Variants in MAGI1 observed in about 807,000 individuals in gnomAD.
The protein encoded by MAGI1 is membrane associated guanylate kinase, WW and PDZ domain containing 1, also known as membrane-associated guanylate kinase, WW and PDZ domain-containing protein 1.
A neutral mutation model predicts 139.9 loss-of-function variants in MAGI1; 58 were observed. The observed-to-expected ratio is 0.41, with a 90% CI of 0.34 to 0.52. The LOEUF is 0.52. Among genes scored for constraint, MAGI1 ranks in the 20% least tolerant of loss-of-function variants. The pLI is 0.12. For synonymous variants in MAGI1, 812 were observed against 737.9 expected (o/e 1.10, Z -1.63); for missense variants, 1,874 against 1,901.6 (o/e 0.99, Z 0.27).
chr3:65,429,698 C>G lies in MAGI1; in HGVS notation c.1989G>C (p.Gly663=), dbSNP rs1399622632. The part of the protein sequence containing the change: ...FGFTIADSPG[G]GGQRVKQIVD... ...CAATCTGTTTCACTCTTTGGCCACC[C>G]CCACCAGGACTGTCTGCGATAGTAA... is the stretch of plus-strand genomic sequence containing the variant. Residue 663 remains glycine (G), a synonymous_variant, in exon 12 of 23, where the codon GGG becomes GGC. Transcript: ENST00000402939. 6.2e-7 allele frequency: 1 copy of G among 1,613,924 alleles called. No individual in the cohort carries two copies. The highest frequency in any genetic ancestry group is 1.1e-5 in the South Asian group (1 of 91,076).
intron 1 of MAGI1, among the ~76,000 whole-genome samples, chr3:66,017,315 G>A (rs9848235): frequency 0.42 from 64,464 of 152,076 alleles, 14,659 homozygotes; most frequent in East Asian, 0.74. Flanking sequence ...GGGAAGCTCC[G>A]CGCTGCAATG....
chr3:65,844,038 A>T (rs2058899099), intron 1 of MAGI1: 1 of 388,574 alleles, frequency 2.6e-6, no homozygotes, highest in Admixed American at 3.0e-5. Context: ...TATCTAAAAG[A>T]TGTCACTTGA....
At chr3:65,576,883 G>A (rs1249227564) in intron 2 of MAGI1, among the ~76,000 whole-genome samples, 1 of 152,210 alleles carries the variant, frequency 6.6e-6, no homozygotes, top group East Asian at 1.9e-4. Context: ...CAGGACTAGA[G>A]ATGATGTATG....
intron 4 of MAGI1, among the ~76,000 whole-genome samples, chr3:65,472,707 G>C (rs1329498741): frequency 6.6e-6 from 1 of 152,148 alleles, no homozygotes; most frequent in Non-Finnish European, 1.5e-5. Flanking sequence ...AGATGCAAAT[G>C]AGACGTGTAG....
chr3:65,921,365 G>T (rs553555499), intron 1 of MAGI1, among the ~76,000 whole-genome samples: 14 of 151,608 alleles, frequency 9.2e-5, no homozygotes, highest in African/African-American at 3.4e-4. Context: ...TGGAGTGCAG[G>T]GGGCACAATC....
At chr3:65,966,804 G>C (rs182922811) in intron 1 of MAGI1, among the ~76,000 whole-genome samples, 1 of 152,148 alleles carries the variant, frequency 6.6e-6, no homozygotes, top group African/African-American at 2.4e-5. Context: ...CACAGTACCA[G>C]GCACACAGTT....
chr3:65,738,125 A>G (rs1446564432), intron 1 of MAGI1, among the ~76,000 whole-genome samples: 2 of 152,142 alleles, frequency 1.3e-5, no homozygotes, highest in African/African-American at 2.4e-5. Flanking sequence ...CATCCCATCA[A>G]TATCCTCAGA....
chr3:65,483,022 C>A (rs1227103233), intron 3 of MAGI1, among the ~76,000 whole-genome samples: 1 of 152,248 alleles, frequency 6.6e-6, no homozygotes, highest in Non-Finnish European at 1.5e-5. Context: ...GAACAGTGCC[C>A]TCAGGCTGCT....
intron 1 of MAGI1, among the ~76,000 whole-genome samples, chr3:66,033,443 T>C (rs1393762774): frequency 6.6e-6 from 1 of 152,168 alleles, no homozygotes; most frequent in African/African-American, 2.4e-5. Context: ...CTACTAGCAC[T>C]GGTTGTTAAG....
At chr3:65,688,136 G>A (rs2088227462) in intron 1 of MAGI1, 3 of 759,922 alleles carry the variant, frequency 3.9e-6, no homozygotes, top group Non-Finnish European at 7.0e-6. Context: ...GTGCAGGACT[G>A]TTCCTGCCAG....
At chr3:65,652,598 G>A (rs1295671242) in intron 1 of MAGI1, among the ~76,000 whole-genome samples, 2 of 152,096 alleles carry the variant, frequency 1.3e-5, no homozygotes, top group Non-Finnish European at 2.9e-5. Flanking sequence ...TAGGGACTAG[G>A]GCAACCTAGT....
intron 1 of MAGI1, among the ~76,000 whole-genome samples, chr3:65,652,289 A>T (rs1007032652): frequency 6.6e-6 from 1 of 152,228 alleles, no homozygotes; most frequent in Non-Finnish European, 1.5e-5. Flanking sequence ...TAGGATTCAT[A>T]GTCATTCAAA....
At chr3:65,663,045 T>C (rs1407492140) in intron 1 of MAGI1, among the ~76,000 whole-genome samples, 1 of 152,208 alleles carries the variant, frequency 6.6e-6, no homozygotes, top group East Asian at 1.9e-4. Context: ...CACCTACCCA[T>C]GCCTAGCACA....
intron 2 of MAGI1, among the ~76,000 whole-genome samples, chr3:65,496,576 T>C (rs918403665): frequency 3.9e-5 from 6 of 152,154 alleles, no homozygotes; most frequent in Non-Finnish European, 5.9e-5. Context: ...AACAGACATA[T>C]TAAAAGTAAA....
chr3:65,817,519 C>T (rs1392979666), intron 1 of MAGI1, among the ~76,000 whole-genome samples: 4 of 152,148 alleles, frequency 2.6e-5, no homozygotes, highest in African/African-American at 7.2e-5. Context: ...AATTAAACTG[C>T]CTGGAGAGGA....
At chr3:65,686,664 C>T (rs1003077358) in intron 1 of MAGI1, among the ~76,000 whole-genome samples, 18 of 152,162 alleles carry the variant, frequency 1.2e-4, no homozygotes, top group African/African-American at 4.3e-4. Context: ...TGGGATTTAA[C>T]AGGCAGAATC....
chr3:65,664,350 G>A (rs76329492), intron 1 of MAGI1, among the ~76,000 whole-genome samples: 28,642 of 151,966 alleles, frequency 0.19, 3,219 homozygotes, highest in Non-Finnish European at 0.26. Context: ...AACAATAAAG[G>A]CTAATAGCGC....
chr3:65,696,586 C>A (rs576962381), intron 1 of MAGI1, among the ~76,000 whole-genome samples: 1 of 152,216 alleles, frequency 6.6e-6, no homozygotes, highest in East Asian at 1.9e-4. Flanking sequence ...AATAGCTTAA[C>A]TGCCCATGAA....
intron 18 of MAGI1, chr3:65,372,003 T>C (rs1458815121): frequency 3.1e-6 from 1 of 325,514 alleles, no homozygotes; most frequent in Non-Finnish European, 6.1e-6. Flanking sequence ...TCTTCTAAAA[T>C]CTTGTTAAGG....
Sources: allele counts gnomAD v4.1 joint callset (sites outside exome capture counted in the v4.1 genomes callset), GRCh38; gene constraint gnomAD v4.1.1; transcripts MANE v1.5; gene names NCBI Gene and HGNC (gene_info 2026-07-23, HGNC 2026-07-21).